DNM3: variants seen among roughly 807,000 people sequenced by gnomAD.
DNM3 encodes the protein dynamin-3.
Under a neutral mutation model 101.6 loss-of-function variants are expected in DNM3, and 47 were observed. The ratio of observed to expected loss-of-function variants is 0.46; its 90% confidence interval spans 0.37 to 0.59. The LOEUF (loss-of-function observed/expected upper bound fraction) is 0.59, where lower values mean the gene tolerates loss of function less well. Ranked by LOEUF, DNM3 falls within the 20% of genes least tolerant of loss-of-function variation. DNM3 has a pLI of 0.00. For synonymous variants in DNM3, 385 were observed against 387.9 expected (o/e 0.99, Z 0.09); for missense variants, 849 against 1,085.7 (o/e 0.78, Z 3.06).
chr1:171,865,015 G>A (rs944173375), intron 1 of DNM3, among the ~76,000 whole-genome samples: 2 of 152,094 alleles, frequency 1.3e-5, no homozygotes, highest in African/African-American at 2.4e-5. Context: ...TAATTGGACG[G>A]AGAGACATTC....
chr1:171,955,670 G>A (rs2042807065), intron 2 of DNM3, among the ~76,000 whole-genome samples: 1 of 152,194 alleles, frequency 6.6e-6, no homozygotes, highest in Non-Finnish European at 1.5e-5. Context: ...GGCATAGGTA[G>A]CATTAAAGGA....
At chr1:172,086,635 A>G (rs565580894) in intron 12 of DNM3, among the ~76,000 whole-genome samples, 1 of 152,316 alleles carries the variant, frequency 6.6e-6, no homozygotes, top group East Asian at 1.9e-4. Context: ...GCAGAGCCCT[A>G]CAGTATAGTG....
chr1:171,972,565 C>T (rs2044071446), intron 2 of DNM3, among the ~76,000 whole-genome samples: 1 of 152,116 alleles, frequency 6.6e-6, no homozygotes. Flanking sequence ...ATACAGATTC[C>T]TAGGCTTGGC....
intron 14 of DNM3, among the ~76,000 whole-genome samples, chr1:172,186,375 A>AGG (rs2059524733): frequency 6.9e-6 from 1 of 144,936 alleles, no homozygotes; most frequent in Non-Finnish European, 1.6e-5. Context: ...ACCCTGTGTC[A>AGG]GTTGCTGTTT....
intron 1 of DNM3, among the ~76,000 whole-genome samples, chr1:171,911,315 TTG>T (rs1051122938): frequency 1.4e-5 from 2 of 140,864 alleles, no homozygotes; most frequent in African/African-American, 5.2e-5. Context: ...AGTTTCACTC[TTG>T]TCACCCAGGC....
intron 1 of DNM3, among the ~76,000 whole-genome samples, chr1:171,876,916 C>G (rs1282221575): frequency 1.3e-5 from 2 of 152,166 alleles, no homozygotes; most frequent in Non-Finnish European, 2.9e-5. Context: ...AGGCGATTAG[C>G]AAAGTTACAA....
rs568771532 is a variant in DNM3 at position 172,191,396 on chromosome 1, C to A, written c.1659+60108C>A. 2.0e-4 allele frequency among the ~76,000 whole-genome samples: 31 copies of A among 152,262 alleles called. No individual in the cohort carries two copies. In the South Asian group the frequency reaches 6.2e-3, roughly 31 times the overall value. Reference sequence around the variant, plus strand: ...CTATATCTCTGTTTTGGTACCAGTACCATCCTGTTTTGGTTACTGTAGCCT... The same window carrying A: ...CTATATCTCTGTTTTGGTACCAGTAACATCCTGTTTTGGTTACTGTAGCCT... On this transcript the variant is annotated intron_variant, in intron 14 of 20. Coordinates refer to ENST00000627582, the MANE Select transcript of DNM3 (RefSeq NM_015569.5).
intron 8 of DNM3, among the ~76,000 whole-genome samples, chr1:172,042,804 T>C (rs1373336886): frequency 6.6e-6 from 1 of 152,150 alleles, no homozygotes; most frequent in Non-Finnish European, 1.5e-5. Context: ...CACACAAAGC[T>C]TTCTAGGTTG....
At chr1:172,049,309 G>GGAT (rs1186697836) in intron 10 of DNM3, among the ~76,000 whole-genome samples, 2 of 152,074 alleles carry the variant, frequency 1.3e-5, no homozygotes, top group African/African-American at 4.8e-5. Context: ...TGTGAAATGA[G>GGAT]GATGATGATG....
At chr1:172,089,383 TTAAG>T (rs1358681357) in intron 12 of DNM3, among the ~76,000 whole-genome samples, 1 of 152,212 alleles carries the variant, frequency 6.6e-6, no homozygotes, top group Admixed American at 6.5e-5. Context: ...AGTTAATTGG[TTAAG>T]TAACTATATC....
chr1:171,919,260 A>G (rs1208106172), intron 1 of DNM3, among the ~76,000 whole-genome samples: 1 of 152,082 alleles, frequency 6.6e-6, no homozygotes, highest in Admixed American at 6.6e-5. Flanking sequence ...GCACCCATCA[A>G]CCCGTCATCT....
At chr1:172,199,888 A>G (rs687041) in intron 14 of DNM3, among the ~76,000 whole-genome samples, 86,419 of 151,810 alleles carry the variant, frequency 0.57, 26,605 homozygotes, top group African/African-American at 0.81. Flanking sequence ...GTTGAGTGGG[A>G]CATTTGGTCC....
chr1:172,188,855 T>G (rs933411969), intron 14 of DNM3, among the ~76,000 whole-genome samples: 11 of 152,078 alleles, frequency 7.2e-5, no homozygotes, highest in African/African-American at 2.4e-4. Context: ...CATTGTCAAG[T>G]TTTTTAATTT....
intron 1 of DNM3, among the ~76,000 whole-genome samples, chr1:171,912,461 G>A (rs951302798): frequency 6.6e-6 from 1 of 152,018 alleles, no homozygotes; most frequent in Admixed American, 6.5e-5. Context: ...CTCCTTCCTA[G>A]GTAGTACAAG....
chr1:172,108,821 G>A (rs1383638933), intron 13 of DNM3, among the ~76,000 whole-genome samples: 4 of 152,194 alleles, frequency 2.6e-5, no homozygotes, highest in Admixed American at 2.6e-4. Flanking sequence ...CTGATTCTTG[G>A]TAAGGTTATT....
chr1:171,931,337 TAA>T (rs1206374136), intron 2 of DNM3, among the ~76,000 whole-genome samples: 1 of 152,196 alleles, frequency 6.6e-6, no homozygotes, highest in Non-Finnish European at 1.5e-5. Flanking sequence ...AAATCTGTAT[TAA>T]GTTTGATTCA....
chr1:172,334,370 A>G (rs2066325704), intron 17 of DNM3, among the ~76,000 whole-genome samples: 1 of 152,128 alleles, frequency 6.6e-6, no homozygotes, highest in African/African-American at 2.4e-5. Flanking sequence ...GATTGTCAGA[A>G]TGGGAAGTTA....
At chr1:172,223,411 T>G (rs371666308) in intron 14 of DNM3, among the ~76,000 whole-genome samples, 12 of 152,086 alleles carry the variant, frequency 7.9e-5, no homozygotes, top group South Asian at 2.1e-4. Context: ...ATCCCATATA[T>G]CACTATAAAT....
chr1:172,171,603 C>T (rs977591321), intron 14 of DNM3, among the ~76,000 whole-genome samples: 4 of 151,734 alleles, frequency 2.6e-5, no homozygotes, highest in African/African-American at 7.2e-5. Flanking sequence ...TGTATACTGT[C>T]TACAACTGCT....
Sources: allele counts gnomAD v4.1 joint callset (sites outside exome capture counted in the v4.1 genomes callset), GRCh38; gene constraint gnomAD v4.1.1; transcripts MANE v1.5; gene names NCBI Gene and HGNC (gene_info 2026-07-23, HGNC 2026-07-21).